SBF2: variants seen among roughly 807,000 people sequenced by gnomAD.
SBF2 encodes myotubularin-related protein 13.
Under a neutral mutation model 225.2 loss-of-function variants are expected in SBF2, and 112 were observed. The ratio of observed to expected loss-of-function variants is 0.50; its 90% CI spans 0.43 to 0.58. The LOEUF (loss-of-function observed/expected upper bound fraction) is 0.58. SBF2 is among the 20% of genes least tolerant of loss of function. The pLI is 0.00. For synonymous variants in SBF2, 763 were observed against 773.3 expected (o/e 0.99, Z 0.22); for missense variants, 1,996 against 2,206.2 (o/e 0.90, Z 1.91).
At chr11:9,860,678 T>C (rs1289142770) in intron 17 of SBF2, among the ~76,000 whole-genome samples, 2 of 152,128 alleles carry the variant, frequency 1.3e-5, no homozygotes, top group East Asian at 1.9e-4. Flanking sequence ...AAAACTGTAA[T>C]TCTCAACTGC....
intron 3 of SBF2, among the ~76,000 whole-genome samples, chr11:10,035,520 C>A (rs1168870891): frequency 6.6e-6 from 1 of 152,002 alleles, no homozygotes; most frequent in Non-Finnish European, 1.5e-5. Flanking sequence ...ACCCATCTGA[C>A]AAAGGGCTAA....
At chr11:10,046,105 G>C (rs965170969) in intron 2 of SBF2, among the ~76,000 whole-genome samples, 1 of 152,098 alleles carries the variant, frequency 6.6e-6, no homozygotes, top group Non-Finnish European at 1.5e-5. Flanking sequence ...GATATGCATG[G>C]GTTATATGCA....
chr11:9,944,734 C>T (rs969844839), intron 16 of SBF2, among the ~76,000 whole-genome samples: 18 of 152,098 alleles, frequency 1.2e-4, no homozygotes, highest in Admixed American at 1.1e-3. Flanking sequence ...GCCATACTGC[C>T]CAGCAATTTA....
At chr11:10,105,298 T>A (rs1033797077) in intron 2 of SBF2, among the ~76,000 whole-genome samples, 1 of 152,168 alleles carries the variant, frequency 6.6e-6, no homozygotes, top group Non-Finnish European at 1.5e-5. Flanking sequence ...GGAACAAATA[T>A]GAGAAATTTT....
chr11:10,172,443 C>G (rs572894622), intron 2 of SBF2, among the ~76,000 whole-genome samples: 2 of 152,146 alleles, frequency 1.3e-5, no homozygotes, highest in African/African-American at 4.8e-5. Context: ...CCTCCACCTC[C>G]CAGGTTCAAG....
At chr11:10,064,765 T>C (rs955433964) in intron 2 of SBF2, among the ~76,000 whole-genome samples, 7 of 152,170 alleles carry the variant, frequency 4.6e-5, no homozygotes, top group Non-Finnish European at 1.0e-4. Context: ...ATAAAGATCT[T>C]TGAACTATGT....
chr11:9,876,973 G>A (rs1247746753), intron 17 of SBF2, among the ~76,000 whole-genome samples: 1 of 152,060 alleles, frequency 6.6e-6, no homozygotes. Flanking sequence ...TCCTGACCTC[G>A]AGCAATCCAC....
At chr11:10,161,245 T>C (rs1955723795) in intron 2 of SBF2, among the ~76,000 whole-genome samples, 1 of 151,852 alleles carries the variant, frequency 6.6e-6, no homozygotes, top group South Asian at 2.1e-4. Context: ...ATCGTTTTTT[T>C]CTGGCTGCCA....
At chr11:10,153,650 CAGA>C (rs1955328456) in intron 2 of SBF2, among the ~76,000 whole-genome samples, 3 of 151,296 alleles carry the variant, frequency 2.0e-5, no homozygotes, top group African/African-American at 7.3e-5. Flanking sequence ...CAAAAGTAAG[CAGA>C]AGGAGGAAAA....
intron 38 of SBF2, 81 bp from the exon 39 acceptor site, chr11:9,781,719 T>C: frequency 2.0e-6 from 3 of 1,506,570 alleles, no homozygotes; most frequent in East Asian, 2.3e-5. Context: ...TTTGAATACC[T>C]TCCTCTGTAC....
intron 1 of SBF2, among the ~76,000 whole-genome samples, chr11:10,288,159 T>C (rs139174731): frequency 0.015 from 2,215 of 152,246 alleles, 51 homozygotes; most frequent in African/African-American, 0.042. Context: ...GGGCCACAGC[T>C]CTTATCTCCC....
intron 28 of SBF2, chr11:9,828,502 T>G: frequency 3.0e-6 from 3 of 985,438 alleles, no homozygotes; most frequent in Non-Finnish European, 3.6e-6. Flanking sequence ...AAAAGCCACT[T>G]TCTGCTTATG....
intron 16 of SBF2, among the ~76,000 whole-genome samples, chr11:9,930,273 T>G (rs912931325): frequency 6.6e-6 from 1 of 152,200 alleles, no homozygotes; most frequent in Non-Finnish European, 1.5e-5. Flanking sequence ...ATACAATATA[T>G]AACAGTACTA....
chr11:10,060,499 G>A (rs1268130827), intron 2 of SBF2, among the ~76,000 whole-genome samples: 1 of 152,148 alleles, frequency 6.6e-6, no homozygotes, highest in Non-Finnish European at 1.5e-5. Context: ...CCCAAAAATT[G>A]AGGAGGAAGG....
intron 6 of SBF2, among the ~76,000 whole-genome samples, chr11:10,004,897 C>T (rs140206129): frequency 6.6e-6 from 1 of 152,250 alleles, no homozygotes; most frequent in East Asian, 1.9e-4. Context: ...TTGAGCTGTC[C>T]CGTCTTTCCA....
chr11:10,214,872 T>A (rs1215903814), intron 1 of SBF2, among the ~76,000 whole-genome samples: 1 of 152,044 alleles, frequency 6.6e-6, no homozygotes, highest in African/African-American at 2.4e-5. Flanking sequence ...CCAGGTAGTT[T>A]AAGCAAAAAG....
chr11:9,794,529 G>A (rs1479011085), intron 33 of SBF2, among the ~76,000 whole-genome samples: 5 of 151,858 alleles, frequency 3.3e-5, no homozygotes, highest in South Asian at 4.2e-4. Flanking sequence ...GCCAGGCATG[G>A]TGGCACAGGC....
Position 10,062,443 on chromosome 11 carries a change from G to A in SBF2, c.142-19462C>T, listed in dbSNP as rs1405709068. On this transcript the variant is annotated intron_variant, in intron 2 of 39. Coordinates refer to ENST00000256190, the MANE Select transcript of SBF2 (RefSeq NM_030962.4). ...GAAAATTTATGCAAACTATGCATCT[G>A]ACAAAGGTCCAATATCCAGAATCTA... is the stretch of plus-strand genomic sequence containing the variant. Among the ~76,000 whole-genome samples, 4 of 152,258 alleles carry A rather than the reference G, an allele frequency of 2.6e-5. No individual in the cohort carries two copies. In the East Asian group the frequency reaches 7.7e-4, roughly 29 times the overall value.
At chr11:10,274,832 A>C (rs573585832) in intron 1 of SBF2, among the ~76,000 whole-genome samples, 65 of 152,248 alleles carry the variant, frequency 4.3e-4, no homozygotes, top group Admixed American at 2.9e-3. Context: ...AGATCTGTAG[A>C]GCTATGTACT....
Sources: allele counts gnomAD v4.1 joint callset (sites outside exome capture counted in the v4.1 genomes callset), GRCh38; gene constraint gnomAD v4.1.1; transcripts MANE v1.5; gene names NCBI Gene and HGNC (gene_info 2026-07-23, HGNC 2026-07-21).